FMNL2: variants seen among roughly 807,000 people sequenced by gnomAD.
FMNL2 encodes the protein formin like 2, also known as formin-like protein 2.
FMNL2 carries 51 observed loss-of-function variants against 130.2 expected under a neutral mutation model. The ratio of observed to expected loss-of-function variants is 0.39; its 90% CI spans 0.31 to 0.49. FMNL2 has a LOEUF of 0.49. Among genes scored for constraint, FMNL2 ranks in the 20% least tolerant of loss-of-function variants. The probability of loss-of-function intolerance (pLI) is 0.85; values close to 1 mark genes in which losing one functional copy is unlikely to be tolerated. For missense variants in FMNL2, 977 were observed against 1,316.2 expected (o/e 0.74, Z 3.99); for synonymous variants, 465 against 467.1 (o/e 1.00, Z 0.06).
chr2:152,442,153 ACCT>A (rs1688082994), intron 1 of FMNL2, among the ~76,000 whole-genome samples: 1 of 151,736 alleles, frequency 6.6e-6, no homozygotes, highest in South Asian at 2.1e-4. Flanking sequence ...CAGGTAGTTA[ACCT>A]CCTCAGCGTC....
At chr2:152,434,884 C>G (rs1289210249) in intron 1 of FMNL2, among the ~76,000 whole-genome samples, 2 of 152,032 alleles carry the variant, frequency 1.3e-5, no homozygotes, top group Admixed American at 6.6e-5. Flanking sequence ...ATACTAATCC[C>G]TGGGATGGCC....
chr2:152,563,288 A>T (rs900776140), intron 6 of FMNL2, among the ~76,000 whole-genome samples: 2 of 152,172 alleles, frequency 1.3e-5, no homozygotes, highest in African/African-American at 4.8e-5. Context: ...CCAATACCAC[A>T]TTCTTCTGTT....
At chr2:152,610,724 T>C (rs555775389) in intron 10 of FMNL2, among the ~76,000 whole-genome samples, 1 of 152,378 alleles carries the variant, frequency 6.6e-6, no homozygotes, top group Admixed American at 6.5e-5. Context: ...TTTTTGGTTG[T>C]TATTAATGAT....
At chr2:152,596,027 A>G (rs1278144209) in intron 9 of FMNL2, among the ~76,000 whole-genome samples, 1 of 147,078 alleles carries the variant, frequency 6.8e-6, no homozygotes. Flanking sequence ...CAGTGGCACC[A>G]TCTCGGCTCA....
At chr2:152,574,189 G>C (rs758733547) in intron 6 of FMNL2, among the ~76,000 whole-genome samples, 2 of 152,188 alleles carry the variant, frequency 1.3e-5, no homozygotes, top group Admixed American at 1.3e-4. Flanking sequence ...TGTAACCCCA[G>C]CACTTCGGGA....
intron 1 of FMNL2, among the ~76,000 whole-genome samples, chr2:152,453,923 G>T (rs1003976817): frequency 6.6e-6 from 1 of 152,134 alleles, no homozygotes; most frequent in Non-Finnish European, 1.5e-5. Context: ...ACTTTAGAAA[G>T]CTTAGATACC....
intron 2 of FMNL2, among the ~76,000 whole-genome samples, chr2:152,530,007 A>G (rs559244546): frequency 7.1e-4 from 108 of 152,330 alleles, no homozygotes; most frequent in Middle Eastern, 3.4e-3. Flanking sequence ...GCCAAAATGT[A>G]TATCACAGTG....
Position 152,648,203 on chromosome 2 carries a change from T to C in FMNL2, c.*298T>C. ...AATGTAAAGTTCTTATTAAACTCATTACCTGCCATTGTGATTGTCCCATCA... is the reference window on the plus strand; with the variant it reads ...AATGTAAAGTTCTTATTAAACTCATCACCTGCCATTGTGATTGTCCCATCA... On this transcript the variant is annotated 3_prime_UTR_variant, in exon 26 of 26. Coordinates refer to ENST00000288670, the MANE Select transcript of FMNL2 (RefSeq NM_052905.4). The C allele has an allele frequency of 3.5e-6, 1 of 285,350 alleles. No homozygotes were observed. The highest frequency in any genetic ancestry group is 6.5e-6 in the Non-Finnish European group (1 of 152,936). The allele number at this position is 285,350 out of a possible 1,614,324, so 17.7% of individuals were successfully genotyped here.
intron 1 of FMNL2, among the ~76,000 whole-genome samples, chr2:152,514,867 G>A (rs778540171): frequency 6.6e-6 from 1 of 152,152 alleles, no homozygotes; most frequent in Admixed American, 6.6e-5. Flanking sequence ...AATCATAGAT[G>A]TGGGTGAGGC....
chr2:152,435,834 T>A (rs549735018), intron 1 of FMNL2, among the ~76,000 whole-genome samples: 1 of 152,330 alleles, frequency 6.6e-6, no homozygotes, highest in East Asian at 1.9e-4. Flanking sequence ...TGATATTTTA[T>A]AGGAGTTAGA....
chr2:152,509,398 T>TC (rs1478898981), intron 1 of FMNL2, among the ~76,000 whole-genome samples: 3 of 149,558 alleles, frequency 2.0e-5, no homozygotes, highest in Admixed American at 2.0e-4. Context: ...ATTATGGGAT[T>TC]TTTTTTTTTT....
chr2:152,461,365 TA>T (rs35517127), intron 1 of FMNL2, among the ~76,000 whole-genome samples: 64,670 of 151,972 alleles, frequency 0.43, 15,736 homozygotes, highest in East Asian at 0.7. Flanking sequence ...TACTTTTTTT[TA>T]AACATATGAA....
At chr2:152,468,287 C>T (rs1412554993) in intron 1 of FMNL2, among the ~76,000 whole-genome samples, 1 of 151,972 alleles carries the variant, frequency 6.6e-6, no homozygotes, top group Non-Finnish European at 1.5e-5. Context: ...CTGTGCCGTC[C>T]GATACAGGAA....
At chr2:152,542,934 CA>C in intron 3 of FMNL2, 115 bp downstream of exon 3, 1 of 1,115,582 alleles carries the variant, frequency 9.0e-7, no homozygotes, top group Non-Finnish European at 1.3e-6. Flanking sequence ...AGAGCCTCCA[CA>C]AAAAACAACC....
intron 1 of FMNL2, among the ~76,000 whole-genome samples, chr2:152,512,086 A>G (rs183046496): frequency 2.4e-3 from 360 of 152,316 alleles, no homozygotes; most frequent in South Asian, 9.1e-3. Context: ...ATCATTGCCC[A>G]TGAAGGAGTT....
intron 2 of FMNL2, among the ~76,000 whole-genome samples, chr2:152,533,916 A>G (rs868211879): frequency 6.6e-6 from 1 of 152,130 alleles, no homozygotes; most frequent in Non-Finnish European, 1.5e-5. Context: ...TCCTAGAGGA[A>G]TATTGTTTTT....
chr2:152,647,559 A>G (rs1218609135), intron 25 of FMNL2, among the ~76,000 whole-genome samples: 1 of 152,210 alleles, frequency 6.6e-6, no homozygotes, highest in Admixed American at 6.5e-5. Flanking sequence ...GAAATAATCT[A>G]TGTATTTTTC....
Position 152,628,390 on chromosome 2 carries a change from G to A in FMNL2, c.2257G>A (p.Glu753Lys). 2.5e-6 allele frequency: 4 copies of A among 1,614,006 alleles called. No homozygotes were observed. The highest frequency in any genetic ancestry group is 3.4e-6 in the Non-Finnish European group (4 of 1,179,880). ...ENEVKVLRLYERERKPLENLS... is the reference protein window; with the variant it reads ...ENEVKVLRLYKRERKPLENLS... ...TGAAGTGAAAGTGCTTCGGCTCTACGAGCGGGAAAGGAAGCCTCTGGAAAA... is the reference window on the plus strand; with the variant it reads ...TGAAGTGAAAGTGCTTCGGCTCTACAAGCGGGAAAGGAAGCCTCTGGAAAA... The change falls in exon 18 of 26, where the codon GAG becomes AAG. Residue 753 changes from glutamate to lysine, a missense_variant. By Grantham distance (56) the Glu-to-Lys change is moderately conservative (BLOSUM62 1). Transcript: ENST00000288670.
chr2:152,447,364 A>G (rs1387943144), intron 1 of FMNL2, among the ~76,000 whole-genome samples: 2 of 152,080 alleles, frequency 1.3e-5, no homozygotes, highest in Non-Finnish European at 2.9e-5. Flanking sequence ...TGGCTTCCCA[A>G]AGTTTTGGGA....
Sources: allele counts gnomAD v4.1 joint callset (sites outside exome capture counted in the v4.1 genomes callset), GRCh38; gene constraint gnomAD v4.1.1; transcripts MANE v1.5; gene names NCBI Gene and HGNC (gene_info 2026-07-23, HGNC 2026-07-21).